SPAG16: variants seen among roughly 807,000 people sequenced by gnomAD.
SPAG16 encodes sperm associated antigen 16, also known as sperm-associated antigen 16 protein.
Under a neutral mutation model 80.4 loss-of-function variants are expected in SPAG16, and 86 were observed. The ratio of observed to expected loss-of-function variants is 1.07; its 90% CI spans 0.90 to 1.28. SPAG16 has a LOEUF of 1.28. Ranked by LOEUF, SPAG16 falls within the 50% of genes most tolerant of loss-of-function variation. The pLI is 0.00. For missense variants in SPAG16, 870 were observed against 765.3 expected, an observed-to-expected ratio of 1.14 and a Z score of -1.61; for synonymous variants, 294 against 265.9, an observed-to-expected ratio of 1.11 and a Z score of -1.03.
chr2:213,352,864 C>G (rs945377267), intron 7 of SPAG16, among the ~76,000 whole-genome samples: 4 of 152,178 alleles, frequency 2.6e-5, no homozygotes, highest in Admixed American at 1.3e-4. Flanking sequence ...AAAAGATAAC[C>G]TGCATATTAA....
At chr2:214,332,532 T>G (rs1180788977) in intron 15 of SPAG16, among the ~76,000 whole-genome samples, 2 of 152,166 alleles carry the variant, frequency 1.3e-5, no homozygotes, top group Non-Finnish European at 2.9e-5. Context: ...TACAACACAG[T>G]GGTTCCATAT....
chr2:213,933,156 A>C (rs2078842414), intron 12 of SPAG16, among the ~76,000 whole-genome samples: 1 of 152,196 alleles, frequency 6.6e-6, no homozygotes, highest in Non-Finnish European at 1.5e-5. Flanking sequence ...CAAATCAATA[A>C]AATGATGAAA....
At chr2:214,074,679 C>T (rs749107704) in intron 13 of SPAG16, among the ~76,000 whole-genome samples, 4 of 151,742 alleles carry the variant, frequency 2.6e-5, no homozygotes, top group Non-Finnish European at 4.4e-5. Context: ...ATGAAGCACT[C>T]CTGTAAGTCA....
At chr2:214,187,410 A>C (rs1441155166) in intron 15 of SPAG16, among the ~76,000 whole-genome samples, 1 of 152,162 alleles carries the variant, frequency 6.6e-6, no homozygotes, top group Non-Finnish European at 1.5e-5. Flanking sequence ...AAATCTTGGC[A>C]AACAAATGTT....
chr2:213,451,305 C>T (rs972213108), intron 9 of SPAG16, among the ~76,000 whole-genome samples: 9 of 152,136 alleles, frequency 5.9e-5, no homozygotes, highest in Non-Finnish European at 1.0e-4. Flanking sequence ...ATCCTCTTTT[C>T]CTAGGTAATT....
chr2:213,554,126 T>G lies in SPAG16; in HGVS notation c.1070+64036T>G, dbSNP rs141204798. 2.5e-3 allele frequency among the ~76,000 whole-genome samples: 387 copies of G among 152,264 alleles called. 3 individuals carry two copies. Among genetic ancestry groups the G allele is most frequent in the Middle Eastern group, 0.01 (3 of 294 alleles). ...CAGTTCCAGGACAGATTCCCCTTAG[T>G]AACAACTTCTCTGGTATGAGAAAAG... On this transcript the variant is annotated intron_variant, in intron 10 of 15. Coordinates refer to ENST00000331683, the MANE Select transcript of SPAG16 (RefSeq NM_024532.5).
chr2:213,997,674 G>A (rs2046591939), intron 12 of SPAG16, among the ~76,000 whole-genome samples: 1 of 152,042 alleles, frequency 6.6e-6, no homozygotes, highest in African/African-American at 2.4e-5. Flanking sequence ...GGCTTCCCCA[G>A]GCCACATTGA....
chr2:213,922,933 C>T (rs2078291629), intron 11 of SPAG16, among the ~76,000 whole-genome samples: 1 of 152,118 alleles, frequency 6.6e-6, no homozygotes, highest in African/African-American at 2.4e-5. Context: ...AATTTGATGT[C>T]CATGTGCTCC....
chr2:213,776,826 A>ACCCCCCCCCCCCC (rs140864608), intron 10 of SPAG16, among the ~76,000 whole-genome samples: 4 of 107,554 alleles, frequency 3.7e-5, no homozygotes, highest in African/African-American at 1.1e-4. Context: ...GTTCTATGCC[A>ACCCCCCCCCCCCC]CCCCCCCCCC....
intron 13 of SPAG16, among the ~76,000 whole-genome samples, chr2:214,050,595 GA>G (rs2049592194): frequency 6.6e-6 from 1 of 152,020 alleles, no homozygotes; most frequent in South Asian, 2.1e-4. Context: ...TAGAAAATTA[GA>G]AAGCAATGTA....
At chr2:213,942,086 T>A (rs2079222232) in intron 12 of SPAG16, among the ~76,000 whole-genome samples, 1 of 152,182 alleles carries the variant, frequency 6.6e-6, no homozygotes. Flanking sequence ...CTTCTTCCCC[T>A]GAGTAGATGC....
chr2:213,352,216 G>A (rs188837142), intron 7 of SPAG16, among the ~76,000 whole-genome samples: 1 of 150,114 alleles, frequency 6.7e-6, no homozygotes, highest in East Asian at 1.9e-4. Flanking sequence ...AAAATACCCA[G>A]TCTCGGGTAT....
chr2:213,819,476 T>G (rs1559494190), intron 10 of SPAG16, among the ~76,000 whole-genome samples: 1 of 152,220 alleles, frequency 6.6e-6, no homozygotes, highest in Non-Finnish European at 1.5e-5. Context: ...ACTCTTATAT[T>G]CTCAGTTAAT....
intron 15 of SPAG16, among the ~76,000 whole-genome samples, chr2:214,150,166 G>A (rs1007974721): frequency 2.0e-5 from 3 of 151,992 alleles, no homozygotes; most frequent in Non-Finnish European, 2.9e-5. Flanking sequence ...GATAGTCCAC[G>A]TTTATTCTTT....
chr2:213,400,894 C>T (rs1325644705), intron 9 of SPAG16, among the ~76,000 whole-genome samples: 1 of 152,114 alleles, frequency 6.6e-6, no homozygotes, highest in Non-Finnish European at 1.5e-5. Flanking sequence ...GTAGCCTCGA[C>T]CTCCCAGGGC....
chr2:213,312,614 C>T (rs1260252045), intron 4 of SPAG16, among the ~76,000 whole-genome samples: 1 of 151,550 alleles, frequency 6.6e-6, no homozygotes, highest in Non-Finnish European at 1.5e-5. Flanking sequence ...GTATTCAACA[C>T]TTAGTTCTCT....
At chr2:213,300,989 T>C (rs2062719229) in intron 3 of SPAG16, among the ~76,000 whole-genome samples, 1 of 152,136 alleles carries the variant, frequency 6.6e-6, no homozygotes, top group Admixed American at 6.6e-5. Context: ...ATTCCTTTTA[T>C]TTAGATCTTA....
At chr2:213,594,814 G>T (rs1474265890) in intron 10 of SPAG16, among the ~76,000 whole-genome samples, 1 of 151,956 alleles carries the variant, frequency 6.6e-6, no homozygotes, top group Non-Finnish European at 1.5e-5. Context: ...TAAATCCTTC[G>T]TCTTGAACAT....
At chr2:213,753,579 A>G (rs1220307506) in intron 10 of SPAG16, among the ~76,000 whole-genome samples, 1 of 152,186 alleles carries the variant, frequency 6.6e-6, no homozygotes, top group African/African-American at 2.4e-5. Flanking sequence ...GGCATGCTGA[A>G]GTCCCAGTAG....
Sources: allele counts gnomAD v4.1 joint callset (sites outside exome capture counted in the v4.1 genomes callset), GRCh38; gene constraint gnomAD v4.1.1; transcripts MANE v1.5; gene names NCBI Gene and HGNC (gene_info 2026-07-23, HGNC 2026-07-21).